APP: variants seen among roughly 807,000 people sequenced by gnomAD.
APP encodes amyloid-beta precursor protein.
A neutral mutation model predicts 101.4 loss-of-function variants in APP; 31 were observed. The observed-to-expected ratio is 0.31, with a 90% CI of 0.23 to 0.41. The LOEUF (loss-of-function observed/expected upper bound fraction) is 0.41, where lower values mean the gene tolerates loss of function less well. APP is among the 10% of genes least tolerant of loss of function. APP has a pLI of 1.00. For synonymous variants in APP, 366 were observed against 364.4 expected, an observed-to-expected ratio of 1.00 and a Z score of -0.05; for missense variants, 839 against 1,003.7, an observed-to-expected ratio of 0.84 and a Z score of 2.22.
At chr21:26,004,550 C>T (rs1030918517) in intron 6 of APP, among the ~76,000 whole-genome samples, 3 of 152,090 alleles carry the variant, frequency 2.0e-5, no homozygotes, top group African/African-American at 7.2e-5. Flanking sequence ...CCTTGGCCTC[C>T]CAAAGTGCTG....
At chr21:25,933,081 T>G (rs2040215960) in intron 13 of APP, among the ~76,000 whole-genome samples, 1 of 152,214 alleles carries the variant, frequency 6.6e-6, no homozygotes, top group African/African-American at 2.4e-5. Flanking sequence ...TAATGGGATA[T>G]CCATCACTTA....
chr21:26,047,925 T>C (rs1273487509), intron 5 of APP, among the ~76,000 whole-genome samples: 1 of 152,232 alleles, frequency 6.6e-6, no homozygotes, highest in Non-Finnish European at 1.5e-5. Flanking sequence ...TTTTTCATAT[T>C]GGTCACATGA....
chr21:26,073,266 T>TG (rs34008965), intron 3 of APP, among the ~76,000 whole-genome samples: 14,170 of 152,098 alleles, frequency 0.093, 819 homozygotes, highest in East Asian at 0.23. Context: ...TTGCAAAAGG[T>TG]GGCGCGGGGA....
At chr21:26,146,693 C>T (rs952146867) in intron 1 of APP, among the ~76,000 whole-genome samples, 16 of 152,154 alleles carry the variant, frequency 1.1e-4, no homozygotes, top group African/African-American at 1.7e-4. Flanking sequence ...GAGCATTCAG[C>T]GCACTATTCT....
intron 2 of APP, among the ~76,000 whole-genome samples, chr21:26,110,098 A>T (rs1012199462): frequency 1.3e-5 from 2 of 152,216 alleles, no homozygotes. Flanking sequence ...GCAAAAGCTG[A>T]TTTATTATCA....
chr21:25,960,203 T>TC (rs397698596), intron 11 of APP, among the ~76,000 whole-genome samples: 141 of 151,666 alleles, frequency 9.3e-4, no homozygotes, highest in Non-Finnish European at 1.8e-3. Context: ...TTAACTTCTT[T>TC]AATCCATAAC....
chr21:25,958,728 C>T (rs988943568), intron 11 of APP, among the ~76,000 whole-genome samples: 1 of 152,204 alleles, frequency 6.6e-6, no homozygotes, highest in Non-Finnish European at 1.5e-5. Context: ...TAGTCCATTG[C>T]TGATACTCAA....
intron 3 of APP, among the ~76,000 whole-genome samples, chr21:26,075,954 C>T (rs1044803699): frequency 1.3e-5 from 2 of 152,098 alleles, no homozygotes; most frequent in Admixed American, 1.3e-4. Context: ...CGTGCAGTGG[C>T]GCGATCTCGG....
intron 3 of APP, among the ~76,000 whole-genome samples, chr21:26,070,375 G>A (rs1043042187): frequency 4.6e-5 from 7 of 152,040 alleles, no homozygotes; most frequent in African/African-American, 1.7e-4. Context: ...TTGAATTTCT[G>A]GACTTCTAAG....
At chr21:25,944,652 A>G (rs1465171974) in intron 13 of APP, among the ~76,000 whole-genome samples, 1 of 152,232 alleles carries the variant, frequency 6.6e-6, no homozygotes, top group Non-Finnish European at 1.5e-5. Flanking sequence ...ATATTTCAAA[A>G]TTAATCTCAA....
At chr21:26,134,476 G>T (rs143305346) in intron 1 of APP, among the ~76,000 whole-genome samples, 90 of 152,268 alleles carry the variant, frequency 5.9e-4, no homozygotes, top group African/African-American at 2.0e-3. Flanking sequence ...TATTTTAAAG[G>T]ATATTACAAA....
chr21:26,102,201 G>A (rs1411773780), intron 2 of APP, among the ~76,000 whole-genome samples: 1 of 146,120 alleles, frequency 6.8e-6, no homozygotes, highest in East Asian at 2.1e-4. Flanking sequence ...CCATTCTCCT[G>A]CCTCAGCCTC....
intron 3 of APP, among the ~76,000 whole-genome samples, chr21:26,087,911 T>A (rs1322045270): frequency 1.3e-5 from 2 of 152,260 alleles, no homozygotes; most frequent in East Asian, 3.8e-4. Context: ...AATATTATTA[T>A]AAAATCTTCT....
intron 5 of APP, among the ~76,000 whole-genome samples, chr21:26,038,533 G>A (rs2045227547): frequency 6.6e-6 from 1 of 152,160 alleles, no homozygotes; most frequent in Admixed American, 6.5e-5. Context: ...GGAGCCCGAG[G>A]CAGGCGGATC....
chr21:26,112,185 C>G, intron 1 of APP, 39 bp from the exon 2 acceptor site: 2 of 1,606,068 alleles, frequency 1.2e-6, no homozygotes, highest in Non-Finnish European at 1.7e-6. Context: ...GTATCCATAG[C>G]TCCAAGGCAG....
intron 11 of APP, among the ~76,000 whole-genome samples, chr21:25,961,885 TAA>T (rs2041597096): frequency 6.6e-6 from 1 of 151,450 alleles, no homozygotes; most frequent in Non-Finnish European, 1.5e-5. Context: ...AGGATATTGA[TAA>T]AGAGAGTTTA....
intron 13 of APP, among the ~76,000 whole-genome samples, chr21:25,926,350 G>C (rs1226222407): frequency 6.6e-6 from 1 of 152,184 alleles, no homozygotes; most frequent in East Asian, 1.9e-4. Flanking sequence ...CGGTGGAGCA[G>C]CTGATTTGGG....
intron 3 of APP, among the ~76,000 whole-genome samples, chr21:26,078,412 C>G (rs547799858): frequency 6.0e-4 from 91 of 152,164 alleles, no homozygotes; most frequent in African/African-American, 2.1e-3. Context: ...AAGTCTATGT[C>G]TAATATATTT....
At chr21:25,894,183 C>T (rs2037878177) in intron 16 of APP, among the ~76,000 whole-genome samples, 1 of 152,186 alleles carries the variant, frequency 6.6e-6, no homozygotes, top group Non-Finnish European at 1.5e-5. Flanking sequence ...AACAAAGCAC[C>T]TAGTCACCCA....
Sources: allele counts gnomAD v4.1 joint callset (sites outside exome capture counted in the v4.1 genomes callset), GRCh38; gene constraint gnomAD v4.1.1; transcripts MANE v1.5; gene names NCBI Gene and HGNC (gene_info 2026-07-23, HGNC 2026-07-21).